The following ARHGAP25 variants were observed in gnomAD, a reference collection of about 807,000 sequenced individuals.
ARHGAP25 encodes Rho GTPase activating protein 25, also known as rho GTPase-activating protein 25.
Under a neutral mutation model 71.0 loss-of-function variants are expected in ARHGAP25, and 34 were observed. The ratio of observed to expected loss-of-function variants is 0.48; its 90% CI spans 0.36 to 0.64. The LOEUF (loss-of-function observed/expected upper bound fraction) is 0.64, where lower values mean the gene tolerates loss of function less well. ARHGAP25 is among the 30% of genes least tolerant of loss of function. The pLI is 0.00. For missense variants in ARHGAP25, 706 were observed against 805.1 expected (o/e 0.88, Z 1.49); for synonymous variants, 282 against 296.5 (o/e 0.95, Z 0.50).
chr2:68,813,490 G>A, intron 6 of ARHGAP25, 71 bp downstream of exon 6: 1 of 1,536,656 alleles, frequency 6.5e-7, no homozygotes, highest in Non-Finnish European at 8.8e-7. Context: ...AATCCAGTAG[G>A]CAACAGTGGG....
chr2:68,798,092 G>A (rs1679699656), intron 4 of ARHGAP25, among the ~76,000 whole-genome samples: 1 of 152,136 alleles, frequency 6.6e-6, no homozygotes, highest in Non-Finnish European at 1.5e-5. Flanking sequence ...CTTGTAGTCA[G>A]CCATCTTGAA....
At chr2:68,798,900 C>G (rs1236710704) in intron 4 of ARHGAP25, among the ~76,000 whole-genome samples, 3 of 152,112 alleles carry the variant, frequency 2.0e-5, no homozygotes, top group Non-Finnish European at 4.4e-5. Context: ...TTCATCCTAA[C>G]AGCAATAGGT....
chr2:68,723,446 G>T (rs1354854620), intron 2 of ARHGAP25, among the ~76,000 whole-genome samples: 1 of 152,182 alleles, frequency 6.6e-6, no homozygotes, highest in East Asian at 1.9e-4. Context: ...TCCCTGTTGG[G>T]CTTCCCAGTC....
chr2:68,713,612 A>C (rs1268978141), intron 2 of ARHGAP25, among the ~76,000 whole-genome samples: 1 of 152,254 alleles, frequency 6.6e-6, no homozygotes, highest in Non-Finnish European at 1.5e-5. Context: ...TTGCCCATTC[A>C]GTATGATATT....
intron 10 of ARHGAP25, among the ~76,000 whole-genome samples, chr2:68,825,324 C>T (rs1466266218): frequency 6.6e-6 from 1 of 152,186 alleles, no homozygotes; most frequent in Non-Finnish European, 1.5e-5. Context: ...ATGGGGCTTC[C>T]AGGACTGATA....
chr2:68,719,347 A>G (rs1445359553), intron 2 of ARHGAP25, among the ~76,000 whole-genome samples: 1 of 150,196 alleles, frequency 6.7e-6, no homozygotes, highest in African/African-American at 2.4e-5. Context: ...GTGGCACCTG[A>G]TGCTAACTCC....
intron 1 of ARHGAP25, among the ~76,000 whole-genome samples, chr2:68,764,141 G>T (rs1000730656): frequency 6.6e-6 from 1 of 152,166 alleles, no homozygotes; most frequent in Non-Finnish European, 1.5e-5. Flanking sequence ...TTTGCATTCA[G>T]GTTCTTTCAC....
chr2:68,789,710 A>T (rs1009916298), intron 4 of ARHGAP25, among the ~76,000 whole-genome samples: 3 of 152,188 alleles, frequency 2.0e-5, no homozygotes, highest in Non-Finnish European at 4.4e-5. Flanking sequence ...TTGCCTAATC[A>T]TGCACCTGCT....
At chr2:68,781,989 C>T (rs1678373941) in intron 2 of ARHGAP25, among the ~76,000 whole-genome samples, 1 of 152,274 alleles carries the variant, frequency 6.6e-6, no homozygotes. Flanking sequence ...ACCCTCTTAG[C>T]TCATTCTTAT....
chr2:68,735,347 A>G, intron 1 of ARHGAP25, 87 bp downstream of exon 1: 1 of 1,362,614 alleles, frequency 7.3e-7, no homozygotes, highest in Non-Finnish European at 1.0e-6. Context: ...AGCATAGTCT[A>G]CTTAAAAATG....
intron 2 of ARHGAP25, among the ~76,000 whole-genome samples, chr2:68,713,675 A>G (rs1454998690): frequency 2.0e-5 from 3 of 152,196 alleles, no homozygotes; most frequent in South Asian, 2.1e-4. Context: ...CATTCCATCA[A>G]TACCTAGTTT....
intron 2 of ARHGAP25, among the ~76,000 whole-genome samples, chr2:68,726,231 C>T (rs955684179): frequency 2.0e-5 from 3 of 152,166 alleles, no homozygotes; most frequent in Non-Finnish European, 4.4e-5. Context: ...TGAACGGTTC[C>T]TTTATATTTG....
rs946117143 is a variant in ARHGAP25 at position 68,735,102 on chromosome 2, CAG to C, written c.-96_-95del. The C allele has an allele frequency of 4.6e-5, 50 of 1,081,074 alleles. No individual in the cohort carries two copies. Among genetic ancestry groups the C allele is most frequent in the Middle Eastern group, 2.1e-4 (1 of 4,806 alleles). 67.0% of individuals were successfully genotyped at this position (1,081,074 alleles called of 1,614,324 possible). ...AAGCAATCATAAGGAGGAACAAAAACAGACACAAAAACAGAGGGAAAGAGTGA... is the reference window on the plus strand; with the variant it reads ...AAGCAATCATAAGGAGGAACAAAAACACACAAAAACAGAGGGAAAGAGTGA... On this transcript the variant is annotated 5_prime_UTR_variant, in exon 1 of 11. An upstream open reading frame in the 5' UTR loses its in-frame stop. Coordinates refer to ENST00000409202, the MANE Select transcript of ARHGAP25 (RefSeq NM_001007231.3).
At chr2:68,774,698 T>G in intron 1 of ARHGAP25, 3 of 978,932 alleles carry the variant, frequency 3.1e-6, no homozygotes, top group Non-Finnish European at 3.7e-6. Context: ...CACAGCGAGG[T>G]TGGAGCTAAC....
intron 1 of ARHGAP25, among the ~76,000 whole-genome samples, chr2:68,740,626 G>A (rs753171374): frequency 1.3e-5 from 2 of 152,194 alleles, no homozygotes; most frequent in Non-Finnish European, 2.9e-5. Flanking sequence ...TCACTGGAGA[G>A]AGAGTATAAA....
chr2:68,724,214 G>A (rs1354814801), intron 2 of ARHGAP25, among the ~76,000 whole-genome samples: 2 of 152,042 alleles, frequency 1.3e-5, no homozygotes, highest in Non-Finnish European at 2.9e-5. Context: ...CAGGGAGAAA[G>A]CCTCAGTCTC....
At chr2:68,801,403 C>A (rs79713769) in intron 4 of ARHGAP25, among the ~76,000 whole-genome samples, 3,097 of 152,242 alleles carry the variant, frequency 0.02, 89 homozygotes, top group East Asian at 0.13. Flanking sequence ...ACACGGAGAA[C>A]CAAGAGGGAC....
chr2:68,782,144 T>A, intron 2 of ARHGAP25, 89 bp from the exon 3 acceptor site: 1 of 1,166,176 alleles, frequency 8.6e-7, no homozygotes, highest in Admixed American at 1.8e-5. Flanking sequence ...CTCCTCCCCA[T>A]CCCATCATTA....
Position 68,816,371 on chromosome 2 carries a change from C to T in ARHGAP25, c.881+9C>T, listed in dbSNP as rs369267128. ...CTGAGCTACATCTGCAGGTGAGAGG[C>T]CCCTGGTATCAACTCTGCAGTTTTC... On this transcript the variant is annotated intron_variant, in intron 7 of 10. Coordinates refer to ENST00000409202, the MANE Select transcript of ARHGAP25 (RefSeq NM_001007231.3). 6.2e-7 allele frequency: 1 copy of T among 1,605,278 alleles called. No homozygotes were observed. Among genetic ancestry groups the T allele is most frequent in the Non-Finnish European group, 8.5e-7 (1 of 1,172,298 alleles).
Sources: gnomAD v4.1 joint callset for allele counts (sites outside exome capture counted in the v4.1 genomes callset) on GRCh38, gnomAD v4.1.1 for gene constraint, MANE v1.5 for transcripts, NCBI Gene and HGNC (gene_info 2026-07-23, HGNC 2026-07-21) for gene names.